Variants in SLC29A3 observed in about 807,000 individuals in gnomAD.
SLC29A3 encodes the protein equilibrative nucleoside transporter 3.
A neutral mutation model predicts 25.4 loss-of-function variants in SLC29A3; 18 were observed. The observed-to-expected ratio is 0.71, with a 90% CI of 0.49 to 1.05. The LOEUF is 1.05. Among genes scored for constraint, SLC29A3 ranks in the 50% least tolerant of loss-of-function variants. The probability of loss-of-function intolerance (pLI) is 0.00; values close to 1 mark genes in which losing one functional copy is unlikely to be tolerated. For synonymous variants in SLC29A3, 258 were observed against 267.1 expected (o/e 0.97, Z 0.33); for missense variants, 586 against 609.0 (o/e 0.96, Z 0.40).
At chr10:71,338,372 A>G (rs1053749495) in intron 2 of SLC29A3, among the ~76,000 whole-genome samples, 24 of 152,214 alleles carry the variant, frequency 1.6e-4, no homozygotes, top group Non-Finnish European at 3.2e-4. Flanking sequence ...GCCTCTGGAA[A>G]TGCTGAGGGG....
At chr10:71,347,910 G>A (rs985923883) in intron 3 of SLC29A3, among the ~76,000 whole-genome samples, 4 of 152,062 alleles carry the variant, frequency 2.6e-5, no homozygotes, top group South Asian at 2.1e-4. Flanking sequence ...ACCTTGTAGC[G>A]ACAGGCACAC....
intron 3 of SLC29A3, among the ~76,000 whole-genome samples, chr10:71,345,084 G>A (rs952970757): frequency 2.0e-5 from 3 of 152,208 alleles, no homozygotes. Flanking sequence ...TGCTGGGATT[G>A]ATTAGTGATG....
At chr10:71,342,680 T>C (rs1167016409) in intron 2 of SLC29A3, among the ~76,000 whole-genome samples, 4 of 152,210 alleles carry the variant, frequency 2.6e-5, no homozygotes, top group African/African-American at 9.6e-5. Flanking sequence ...TTCATTCTAC[T>C]CAGTGTCCTC....
chr10:71,325,988 C>T (rs1303760768), intron 2 of SLC29A3, among the ~76,000 whole-genome samples: 2 of 147,500 alleles, frequency 1.4e-5, no homozygotes, highest in Non-Finnish European at 3.0e-5. Flanking sequence ...GCAGTCAAGG[C>T]TCACTGCAGC....
At chr10:71,336,202 T>C (rs1267883425) in intron 2 of SLC29A3, among the ~76,000 whole-genome samples, 31 of 152,192 alleles carry the variant, frequency 2.0e-4, no homozygotes, top group Admixed American at 2.0e-3. Context: ...TCCTTCCCTC[T>C]TTTCCCGTAT....
At chr10:71,366,927 G>C (rs1350758944), downstream of SLC29A3, among the ~76,000 whole-genome samples, 1 of 152,220 alleles carries the variant, frequency 6.6e-6, no homozygotes, top group Non-Finnish European at 1.5e-5. Flanking sequence ...CTGGGCCTGA[G>C]TCACTGTTGC....
chr10:71,340,022 A>G (rs1408690395), intron 2 of SLC29A3, among the ~76,000 whole-genome samples: 2 of 152,220 alleles, frequency 1.3e-5, no homozygotes, highest in African/African-American at 2.4e-5. Flanking sequence ...GACAGGTCAA[A>G]ACAGGAAGAG....
At chr10:71,365,972 T>A (rs947880057), downstream of SLC29A3, 2 of 152,162 alleles carry the variant, frequency 1.3e-5, no homozygotes, top group African/African-American at 2.4e-5. Context: ...ATGTTCATTT[T>A]CCTTCTTTTT....
At chr10:71,327,808 G>T (rs1030729624) in intron 2 of SLC29A3, among the ~76,000 whole-genome samples, 1 of 147,672 alleles carries the variant, frequency 6.8e-6, no homozygotes, top group African/African-American at 2.5e-5. Context: ...AACCCCAGGT[G>T]CCTGGGTTCT....
rs1368897363 is a variant in SLC29A3 at position 71,350,611 on chromosome 10, G to T, written c.384-951G>T. 2.0e-5 allele frequency among the ~76,000 whole-genome samples: 3 copies of T among 152,262 alleles called. No individual in the cohort carries two copies. The East Asian group carries it at 5.8e-4, about 29-fold the overall frequency. ...GTATGGGGGCTGGGAAGAGTACATG[G>T]CTCATATGCAGGCATGGTGCTGGGG... On this transcript the variant is annotated intron_variant, in intron 3 of 5. Transcript: ENST00000373189.
downstream of SLC29A3, among the ~76,000 whole-genome samples, chr10:71,367,907 T>G (rs989594714): frequency 7.2e-5 from 11 of 152,198 alleles, no homozygotes; most frequent in African/African-American, 2.7e-4. Context: ...AGCCACGTCC[T>G]GCTGGTGCCC....
chr10:71,339,628 G>T (rs189893324), intron 2 of SLC29A3, among the ~76,000 whole-genome samples: 3 of 152,152 alleles, frequency 2.0e-5, no homozygotes, highest in Non-Finnish European at 4.4e-5. Context: ...AGGAGGGGCT[G>T]TTGGTGCTAA....
chr10:71,374,039 G>T (rs1847231862), intron 3 of SLC29A3, among the ~76,000 whole-genome samples: 1 of 152,218 alleles, frequency 6.6e-6, no homozygotes, highest in African/African-American at 2.4e-5. Context: ...AAGGTAGAAG[G>T]GAGAAGATAT....
At chr10:71,322,208 T>G (rs1845860911) in intron 1 of SLC29A3, among the ~76,000 whole-genome samples, 1 of 151,958 alleles carries the variant, frequency 6.6e-6, no homozygotes, top group Non-Finnish European at 1.5e-5. Context: ...CTTCCAGAGA[T>G]ATTCTGTGCA....
At chr10:71,351,133 A>C (rs1266290505) in intron 3 of SLC29A3, among the ~76,000 whole-genome samples, 1 of 152,196 alleles carries the variant, frequency 6.6e-6, no homozygotes, top group Non-Finnish European at 1.5e-5. Flanking sequence ...TAAACACTAG[A>C]CAAAGCCAGC....
intron 2 of SLC29A3, among the ~76,000 whole-genome samples, chr10:71,329,565 A>C (rs1325958705): frequency 6.6e-6 from 1 of 152,020 alleles, no homozygotes; most frequent in African/African-American, 2.4e-5. Flanking sequence ...AGTTCTCTAG[A>C]TAAGGCTAAT....
downstream of SLC29A3, among the ~76,000 whole-genome samples, chr10:71,363,927 A>C (rs1179581174): frequency 6.7e-6 from 1 of 150,258 alleles, no homozygotes; most frequent in Non-Finnish European, 1.5e-5. Flanking sequence ...TAGGAACCCC[A>C]GGGGGTTGTG....
In SLC29A3 at chr10:71,342,128, G is replaced by A. The variant is rs557566432; in HGVS notation, c.301-2081G>A. On this transcript the variant is annotated intron_variant, in intron 2 of 5. Transcript: ENST00000373189. Reference sequence around the variant, plus strand: ...CACAGGTGTGAGCATCAGGAGGCACGGATCACGGGCCACCTTAGAGTCTGC... The same window carrying A: ...CACAGGTGTGAGCATCAGGAGGCACAGATCACGGGCCACCTTAGAGTCTGC... Among the ~76,000 whole-genome samples the A allele has an allele frequency of 4.6e-5, 7 of 152,258 alleles. No individual in the cohort carries two copies. The South Asian group carries it at 6.2e-4, about 14-fold the overall frequency.
chr10:71,341,094 C>T (rs1160847913), intron 2 of SLC29A3, among the ~76,000 whole-genome samples: 1 of 152,136 alleles, frequency 6.6e-6, no homozygotes, highest in Non-Finnish European at 1.5e-5. Flanking sequence ...CCAGCTCCTG[C>T]CTCTCATTGG....
Sources: gnomAD v4.1 joint callset for allele counts (sites outside exome capture counted in the v4.1 genomes callset) on GRCh38, gnomAD v4.1.1 for gene constraint, MANE v1.5 for transcripts, NCBI Gene and HGNC (gene_info 2026-07-23, HGNC 2026-07-21) for gene names.